Variants in PHF21A observed in about 807,000 individuals in gnomAD.
PHF21A encodes PHD finger protein 21A, also known as BHC80a.
Under a neutral mutation model 82.5 loss-of-function variants are expected in PHF21A, and 11 were observed. The observed-to-expected ratio is 0.13, with a 90% CI of 0.08 to 0.22. The LOEUF (loss-of-function observed/expected upper bound fraction) is 0.22. PHF21A is among the 10% of genes least tolerant of loss of function. The pLI is 1.00. For synonymous variants in PHF21A, 297 were observed against 302.8 expected (o/e 0.98, Z 0.20); for missense variants, 579 against 837.8 (o/e 0.69, Z 3.81).
At chr11:45,983,936 A>G (rs906878484) in intron 6 of PHF21A, among the ~76,000 whole-genome samples, 2 of 152,102 alleles carry the variant, frequency 1.3e-5, no homozygotes, top group African/African-American at 2.4e-5. Context: ...TTTTACTACT[A>G]TGTGTTTTAA....
chr11:45,948,036 T>C (rs1028759142), intron 14 of PHF21A, among the ~76,000 whole-genome samples: 1 of 152,186 alleles, frequency 6.6e-6, no homozygotes, highest in African/African-American at 2.4e-5. Context: ...TGAGACTGTG[T>C]GTGCACATGC....
intron 9 of PHF21A, among the ~76,000 whole-genome samples, chr11:45,965,882 T>A (rs2093405857): frequency 6.6e-6 from 1 of 152,270 alleles, no homozygotes; most frequent in Non-Finnish European, 1.5e-5. Context: ...GTCAAAGGCC[T>A]AATCCAGAGA....
rs35673374 is a variant in PHF21A, at chr11:46,040,890, G to GACACAC, written c.153+35858_153+35863dup. ...ACCCTTAGAACTACACTGACAGGAAGACACACACACACACACACACACACA... is the reference window on the plus strand; with the variant it reads ...ACCCTTAGAACTACACTGACAGGAAGACACACACACACACACACACACACACACACA... On this transcript the variant is annotated intron_variant, in intron 6 of 18. Transcript: ENST00000676320. Among the ~76,000 whole-genome samples, 1,053 of 137,298 alleles carry GACACAC rather than the reference G, an allele frequency of 7.7e-3. 8 individuals carry two copies. Among genetic ancestry groups the GACACAC allele is most frequent in the African/African-American group, 0.015 (550 of 36,826 alleles). 90.1% of individuals were successfully genotyped at this position (137,298 alleles called of 152,430 possible). A position where few individuals can be genotyped will look rare whatever the true frequency, so the allele number is the denominator to read the frequency against.
intron 6 of PHF21A, among the ~76,000 whole-genome samples, chr11:46,012,715 C>T (rs571269206): frequency 6.6e-6 from 1 of 152,172 alleles, no homozygotes; most frequent in Non-Finnish European, 1.5e-5. Flanking sequence ...ACCCTACACC[C>T]ACATTTCTAA....
At chr11:45,954,205 C>G (rs1460547558) in intron 10 of PHF21A, among the ~76,000 whole-genome samples, 1 of 152,132 alleles carries the variant, frequency 6.6e-6, no homozygotes, top group African/African-American at 2.4e-5. Flanking sequence ...CCATGTTGGT[C>G]AGGCTGGTCT....
At chr11:46,002,120 T>C (rs2095151191) in intron 6 of PHF21A, among the ~76,000 whole-genome samples, 1 of 152,226 alleles carries the variant, frequency 6.6e-6, no homozygotes, top group South Asian at 2.1e-4. Context: ...AAGTAAATGC[T>C]TTCATTAAAA....
intron 1 of PHF21A, among the ~76,000 whole-genome samples, chr11:46,093,680 C>G (rs77155449): frequency 1.3e-3 from 195 of 152,274 alleles, no homozygotes; most frequent in Non-Finnish European, 2.5e-3. Flanking sequence ...TTGCCTCAAA[C>G]AGTACCAGGC....
At chr11:45,934,742 G>A (rs1028431994) in intron 18 of PHF21A, 96 of 326,362 alleles carry the variant, frequency 2.9e-4, no homozygotes, top group African/African-American at 1.9e-3. Context: ...TAGGAGGATC[G>A]AAGCCCCAAG....
intron 6 of PHF21A, among the ~76,000 whole-genome samples, chr11:45,992,886 C>A (rs936883816): frequency 6.6e-6 from 1 of 152,172 alleles, no homozygotes; most frequent in African/African-American, 2.4e-5. Context: ...AAGACTGACA[C>A]AAGGATAAAC....
intron 10 of PHF21A, among the ~76,000 whole-genome samples, chr11:45,960,647 G>A (rs2093020260): frequency 6.6e-6 from 1 of 152,088 alleles, no homozygotes; most frequent in South Asian, 2.1e-4. Flanking sequence ...TATACTAAAT[G>A]CCACTGAACT....
At chr11:45,952,407 A>G (rs958589493) in intron 11 of PHF21A, among the ~76,000 whole-genome samples, 2 of 152,066 alleles carry the variant, frequency 1.3e-5, no homozygotes, top group Non-Finnish European at 2.9e-5. Flanking sequence ...ACACCTGGCT[A>G]ATTTTGTTTA....
chr11:46,010,118 C>T (rs2095382414), intron 6 of PHF21A, among the ~76,000 whole-genome samples: 1 of 152,108 alleles, frequency 6.6e-6, no homozygotes, highest in South Asian at 2.1e-4. Context: ...AGAGTTACTG[C>T]AGGAATGAGA....
chr11:46,096,397 C>T (rs1392439256), intron 1 of PHF21A, among the ~76,000 whole-genome samples: 1 of 151,982 alleles, frequency 6.6e-6, no homozygotes, highest in African/African-American at 2.4e-5. Flanking sequence ...CCCTCTAATT[C>T]CTCTCCTCCC....
rs1310834368 is a variant in PHF21A, at chr11:46,025,360, T to G, written c.154-45394A>C. On this transcript the variant is annotated intron_variant, in intron 6 of 18. Coordinates refer to ENST00000676320, the MANE Select transcript of PHF21A (RefSeq NM_001352027.3). The stretch of plus-strand genomic sequence containing the variant: ...ATAGGAAAGTGAACATTTTAGTTGG[T>G]TTTTAGGTCAAATTCAAATACTTTC... Among the ~76,000 whole-genome samples the G allele has an allele frequency of 2.0e-5, 3 of 152,198 alleles. No homozygotes were observed. The East Asian group carries it at 5.8e-4, about 29-fold the overall frequency.
chr11:45,953,764 A>G (rs1275968804), intron 10 of PHF21A, 139 bp from the exon 11 acceptor site: 2 of 610,862 alleles, frequency 3.3e-6, no homozygotes, highest in Non-Finnish European at 5.8e-6. Context: ...AAAGGTTAGT[A>G]TTATAGATTT....
chr11:45,976,966 A>T (rs949591714), intron 7 of PHF21A, among the ~76,000 whole-genome samples: 3 of 152,218 alleles, frequency 2.0e-5, no homozygotes, highest in Admixed American at 6.5e-5. Flanking sequence ...AACAATATTT[A>T]AAAAAGGTTG....
In PHF21A at chr11:46,080,955, T is replaced by C. The variant is rs375466721; in HGVS notation, c.55-1789A>G. 3.2e-4 allele frequency among the ~76,000 whole-genome samples: 49 copies of C among 152,242 alleles called. No homozygotes were observed. In the Middle Eastern group the frequency reaches 0.014, roughly 42 times the overall value. ...CTGAGATTACAGGCGTAAGCCACCA[T>C]GCGCAGCTCTTGCTACTATTCTAAC... On this transcript the variant is annotated intron_variant, in intron 4 of 18. Transcript: ENST00000676320.
At chr11:46,043,118 C>T (rs1424737376) in intron 6 of PHF21A, among the ~76,000 whole-genome samples, 2 of 152,042 alleles carry the variant, frequency 1.3e-5, no homozygotes, top group Admixed American at 6.6e-5. Flanking sequence ...AAAAAGATGG[C>T]ATTCATGTTT....
intron 7 of PHF21A, among the ~76,000 whole-genome samples, chr11:45,972,159 T>C (rs1396954545): frequency 6.6e-6 from 1 of 152,024 alleles, no homozygotes; most frequent in African/African-American, 2.4e-5. Context: ...AACAAACATC[T>C]GAGTTTTAAA....
Sources: gnomAD v4.1 joint callset for allele counts (sites outside exome capture counted in the v4.1 genomes callset) on GRCh38, gnomAD v4.1.1 for gene constraint, MANE v1.5 for transcripts, NCBI Gene and HGNC (gene_info 2026-07-23, HGNC 2026-07-21) for gene names.